The following RBBP8 variants were observed in gnomAD, a reference collection of about 807,000 sequenced individuals.
The protein encoded by RBBP8 is DNA endonuclease RBBP8.
RBBP8 carries 88 observed loss-of-function variants against 108.3 expected under a neutral mutation model. That is an observed-to-expected ratio of 0.81 (90% confidence interval 0.68 to 0.97). The LOEUF (loss-of-function observed/expected upper bound fraction) is 0.97, where lower values mean the gene tolerates loss of function less well. RBBP8 is among the 50% of genes least tolerant of loss of function. The probability of loss-of-function intolerance (pLI) is 0.00; values close to 1 mark genes in which losing one functional copy is unlikely to be tolerated. For missense variants in RBBP8, 1,023 were observed against 1,049.0 expected (o/e 0.98, Z 0.34); for synonymous variants, 332 against 348.2 (o/e 0.95, Z 0.52).
intron 3 of RBBP8, among the ~76,000 whole-genome samples, chr18:22,918,366 T>C (rs1202398228): frequency 6.6e-6 from 1 of 152,176 alleles, no homozygotes; most frequent in African/African-American, 2.4e-5. Context: ...ACCTAGACTA[T>C]ATGGTATGTC....
Position 23,026,426 on chromosome 18 carries a change from C to T in RBBP8, c.*186C>T. On this transcript the variant is annotated 3_prime_UTR_variant, in exon 19 of 19. Coordinates refer to ENST00000327155, the MANE Select transcript of RBBP8 (RefSeq NM_002894.3). ...AAAACAATAAGGCGCTTTCATTTTG[C>T]ACTCTAACTTAAGAGTTTTTACTTT... 1.8e-6 allele frequency: 1 copy of T among 569,430 alleles called. No individual in the cohort carries two copies. Among genetic ancestry groups the T allele is most frequent in the Admixed American group, 3.1e-5 (1 of 32,698 alleles). 35.3% of individuals were successfully genotyped at this position (569,430 alleles called of 1,614,324 possible).
intron 8 of RBBP8, among the ~76,000 whole-genome samples, chr18:22,988,029 G>A (rs1915449210): frequency 6.6e-6 from 1 of 152,054 alleles, no homozygotes; most frequent in African/African-American, 2.4e-5. Context: ...CTAGATTTCT[G>A]CTTCATCTGT....
chr18:23,011,110 A>G (rs531379757), intron 16 of RBBP8, among the ~76,000 whole-genome samples: 1 of 152,334 alleles, frequency 6.6e-6, no homozygotes, highest in African/African-American at 2.4e-5. Context: ...GTTGAAACAA[A>G]AAAGGACTTA....
chr18:22,998,922 T>TA (rs1433299064), intron 14 of RBBP8, among the ~76,000 whole-genome samples: 1 of 152,220 alleles, frequency 6.6e-6, no homozygotes, highest in African/African-American at 2.4e-5. Context: ...TTATGGCTTG[T>TA]ATGACACTAA....
intron 5 of RBBP8, among the ~76,000 whole-genome samples, chr18:22,971,599 G>A (rs1468810788): frequency 7.0e-6 from 1 of 142,798 alleles, no homozygotes; most frequent in Non-Finnish European, 1.5e-5. Context: ...CATGTAGTAA[G>A]TTTTACTGAT....
At chr18:23,016,019 T>C (rs1002156606) in intron 16 of RBBP8, among the ~76,000 whole-genome samples, 1 of 152,078 alleles carries the variant, frequency 6.6e-6, no homozygotes, top group Non-Finnish European at 1.5e-5. Context: ...AAGCGGTTCT[T>C]GTGCCTCAGC....
chr18:22,934,209 C>G (rs1159983715), intron 1 of RBBP8: 1 of 152,260 alleles, frequency 6.6e-6, no homozygotes, highest in Non-Finnish European at 1.5e-5. Flanking sequence ...GTCGTCGTGC[C>G]TCGAATAACG....
chr18:22,949,625 C>T lies in RBBP8; in HGVS notation c.160C>T (p.Gln54Ter). Residue 54 changes from glutamine to a stop codon, truncating the protein, a stop_gained, in exon 4 of 19, where the codon CAA (glutamine) becomes TAA (stop). Coordinates refer to ENST00000327155, the MANE Select transcript of RBBP8 (RefSeq NM_002894.3). LOFTEE classifies it high-confidence loss of function. ...TTATTTTTTGACCTTTAGAGATGCA[C>T]AAAGACTAGAAGAATTCTTCACCAA... ...KLKQERILDAQRLEEFFTKNQ... is the reference protein window; with the variant it reads ...KLKQERILDA 6.2e-7 allele frequency: 1 copy of T among 1,609,976 alleles called. No individual in the cohort carries two copies. Among genetic ancestry groups the T allele is most frequent in the Non-Finnish European group, 8.5e-7 (1 of 1,176,796 alleles).
rs192255316 is a variant in RBBP8 at position 22,967,613 on chromosome 18, C to T, written c.249-1193C>T. Reference sequence around the variant, plus strand: ...GTGTGATATGTGTTTTTCTCTTCAACAGTCACAAATAATTAGTAAAAGCTA... The same window carrying T: ...GTGTGATATGTGTTTTTCTCTTCAATAGTCACAAATAATTAGTAAAAGCTA... On this transcript the variant is annotated intron_variant, in intron 4 of 18. Coordinates refer to ENST00000327155, the MANE Select transcript of RBBP8 (RefSeq NM_002894.3). Among the ~76,000 whole-genome samples the T allele has an allele frequency of 3.6e-3, 549 of 151,058 alleles. 3 individuals carry two copies. The highest frequency in any genetic ancestry group is 0.013 in the African/African-American group (535 of 41,128).
chr18:23,022,641 TAAAATACAATATAAAATAAAATAAAATAA>T (rs2046374879), intron 18 of RBBP8, among the ~76,000 whole-genome samples: 1 of 46,218 alleles, frequency 2.2e-5, no homozygotes, highest in African/African-American at 7.4e-5. Flanking sequence ...ATAAAATAAA[TAAAATACAATATAAAATAAAATAAAATAA>T]ATAACTGTAT....
In RBBP8 at chr18:23,008,974, C is replaced by T. The variant is rs371345716; in HGVS notation, c.2357+2542C>T. Among the ~76,000 whole-genome samples the T allele has an allele frequency of 1.2e-4, 18 of 151,994 alleles. No individual in the cohort carries two copies. In the East Asian group the frequency reaches 3.1e-3, roughly 26 times the overall value. On this transcript the variant is annotated intron_variant, in intron 16 of 18. Transcript: ENST00000327155. The stretch of plus-strand genomic sequence containing the variant: ...ATTTTTAGTAGAGACAGGGTTTCAC[C>T]GTGTTAGCCAGGATGGTCTCGATCT...
chr18:22,923,651 C>T (rs781448944), intron 3 of RBBP8, among the ~76,000 whole-genome samples: 6 of 152,180 alleles, frequency 3.9e-5, no homozygotes, highest in African/African-American at 9.7e-5. Context: ...TCCCAGCTCA[C>T]GACTCTTTCC....
At chr18:22,929,414 G>C (rs1241239853), upstream of RBBP8, 2 of 151,862 alleles carry the variant, frequency 1.3e-5, no homozygotes, top group African/African-American at 4.9e-5. Flanking sequence ...GTTGATGGTA[G>C]CTTGAACCAG....
chr18:22,955,870 G>A (rs1328008110), intron 4 of RBBP8, among the ~76,000 whole-genome samples: 2 of 152,220 alleles, frequency 1.3e-5, no homozygotes, highest in South Asian at 2.1e-4. Flanking sequence ...GTGAGCCACC[G>A]CGCCTGGCCA....
chr18:23,001,072 C>A (rs1417195496), intron 14 of RBBP8, among the ~76,000 whole-genome samples: 2 of 152,182 alleles, frequency 1.3e-5, no homozygotes, highest in African/African-American at 2.4e-5. Flanking sequence ...CACAGCTAGG[C>A]CTGCAGCCCT....
intron 5 of RBBP8, among the ~76,000 whole-genome samples, chr18:22,970,071 C>G (rs1226060664): frequency 6.6e-6 from 1 of 152,232 alleles, no homozygotes; most frequent in African/African-American, 2.4e-5. Context: ...TACCCACATT[C>G]TCTTGCATAC....
At chr18:22,951,121 T>C (rs1243850136) in intron 4 of RBBP8, among the ~76,000 whole-genome samples, 16 of 152,246 alleles carry the variant, frequency 1.1e-4, no homozygotes, top group Non-Finnish European at 1.5e-5. Context: ...GAATCACATA[T>C]GTTTTTGAAT....
intron 1 of RBBP8, among the ~76,000 whole-genome samples, chr18:22,935,298 A>AT (rs1166835053): frequency 3.8e-4 from 53 of 138,762 alleles, no homozygotes; most frequent in South Asian, 9.1e-4. Flanking sequence ...TTTTTGCTGG[A>AT]TTTTTTTTTT....
intron 4 of RBBP8, among the ~76,000 whole-genome samples, chr18:22,955,245 C>A (rs1252913301): frequency 4.6e-5 from 7 of 152,002 alleles, no homozygotes; most frequent in Non-Finnish European, 1.0e-4. Flanking sequence ...GGCAGGGAGT[C>A]GGGGTGGGAT....
Sources: gnomAD v4.1 joint callset for allele counts (sites outside exome capture counted in the v4.1 genomes callset) on GRCh38, gnomAD v4.1.1 for gene constraint, MANE v1.5 for transcripts, NCBI Gene and HGNC (gene_info 2026-07-23, HGNC 2026-07-21) for gene names.